CUEDC1: variants seen among roughly 807,000 people sequenced by gnomAD.
The protein encoded by CUEDC1 is CUE domain containing 1.
In CUEDC1, 30 loss-of-function variants were observed where a neutral mutation model predicts 43.7. The ratio of observed to expected loss-of-function variants is 0.69; its 90% confidence interval spans 0.51 to 0.93. CUEDC1 has a LOEUF of 0.93. Among genes scored for constraint, CUEDC1 ranks in the 40% least tolerant of loss-of-function variants. CUEDC1 has a pLI of 0.00. For synonymous variants in CUEDC1, 223 were observed against 223.6 expected, an observed-to-expected ratio of 1.00 and a Z score of 0.02; for missense variants, 486 against 549.0, an observed-to-expected ratio of 0.89 and a Z score of 1.15.
chr17:57,921,663 G>C (rs2074699617), intron 1 of CUEDC1, among the ~76,000 whole-genome samples: 1 of 152,210 alleles, frequency 6.6e-6, no homozygotes, highest in Non-Finnish European at 1.5e-5. Flanking sequence ...TGTGCTTCCT[G>C]TCTGGGCGCA....
chr17:57,865,795 G>A (rs1460556689), intron 10 of CUEDC1, among the ~76,000 whole-genome samples: 2 of 151,770 alleles, frequency 1.3e-5, no homozygotes, highest in Non-Finnish European at 2.9e-5. Flanking sequence ...TGCACAGCCG[G>A]GTTGAGACCA....
chr17:57,896,652 T>C (rs925695457), intron 1 of CUEDC1, among the ~76,000 whole-genome samples: 4 of 152,118 alleles, frequency 2.6e-5, no homozygotes, highest in African/African-American at 7.2e-5. Flanking sequence ...AAAATTTTGA[T>C]TGATACTCAT....
At chr17:57,865,429 G>T (rs1010345157) in intron 10 of CUEDC1, among the ~76,000 whole-genome samples, 1 of 152,178 alleles carries the variant, frequency 6.6e-6, no homozygotes, top group African/African-American at 2.4e-5. Context: ...CCTGAGGCAA[G>T]TGAGTATTTC....
intron 1 of CUEDC1, among the ~76,000 whole-genome samples, chr17:57,897,458 A>T (rs184129395): frequency 2.7e-5 from 4 of 150,716 alleles, no homozygotes; most frequent in Non-Finnish European, 5.9e-5. Context: ...ATCACAAGGT[A>T]GGGAGATTCA....
chr17:57,888,336 G>A (rs2144975396), intron 1 of CUEDC1, among the ~76,000 whole-genome samples: 1 of 152,194 alleles, frequency 6.6e-6, no homozygotes, highest in African/African-American at 2.4e-5. Context: ...GAATACGTAG[G>A]GCTACGCCAT....
chr17:57,874,540 T>C (rs577074583), intron 3 of CUEDC1, among the ~76,000 whole-genome samples: 46 of 152,236 alleles, frequency 3.0e-4, no homozygotes, highest in African/African-American at 9.6e-4. Flanking sequence ...GCACACACCC[T>C]CCCTGACCCC....
chr17:57,929,614 C>T (rs2074783917), intron 1 of CUEDC1, among the ~76,000 whole-genome samples: 1 of 152,210 alleles, frequency 6.6e-6, no homozygotes, highest in Non-Finnish European at 1.5e-5. Flanking sequence ...TCAGACTGGT[C>T]ATGCTCATCG....
At chr17:57,949,790 T>TTGA (rs2074989658) in intron 1 of CUEDC1, among the ~76,000 whole-genome samples, 1 of 151,502 alleles carries the variant, frequency 6.6e-6, no homozygotes, top group Non-Finnish European at 1.5e-5. Context: ...TTTAGAACTC[T>TTGA]TGAGCTCAAG....
chr17:57,883,489 C>T (rs112096254), intron 2 of CUEDC1, among the ~76,000 whole-genome samples: 4,184 of 152,236 alleles, frequency 0.027, 197 homozygotes, highest in African/African-American at 0.095. Context: ...TTTGGGAGGC[C>T]GAGGCGGGCA....
rs953876353 is a variant in CUEDC1, at chr17:57,862,436, C to G, written c.*853G>C. On this transcript the variant is annotated 3_prime_UTR_variant, in exon 11 of 11. Coordinates refer to ENST00000577830, the MANE Select transcript of CUEDC1 (RefSeq NM_001271875.2). Reference sequence around the variant, plus strand: ...CCAGTCCAGCTGGGGAGTCAGAGCCCCTGTGAGCCCCTACTGTGGTGTGAC... The same window carrying G: ...CCAGTCCAGCTGGGGAGTCAGAGCCGCTGTGAGCCCCTACTGTGGTGTGAC... The G allele has an allele frequency of 1.3e-5, 2 of 152,554 alleles. No homozygotes were observed. Among genetic ancestry groups the G allele is most frequent in the African/African-American group, 4.8e-5 (2 of 41,460 alleles). 9.5% of individuals were successfully genotyped at this position (152,554 alleles called of 1,614,324 possible).
chr17:57,929,660 A>G (rs1206675887), intron 1 of CUEDC1, among the ~76,000 whole-genome samples: 4 of 152,044 alleles, frequency 2.6e-5, no homozygotes, highest in Non-Finnish European at 5.9e-5. Flanking sequence ...ATTGTCCTTC[A>G]CCTCAGATAC....
At chr17:57,923,298 T>C (rs575065407) in intron 1 of CUEDC1, among the ~76,000 whole-genome samples, 3 of 152,304 alleles carry the variant, frequency 2.0e-5, no homozygotes, top group East Asian at 1.9e-4. Context: ...GTCAACTATA[T>C]GACCTCAGAT....
intron 1 of CUEDC1, among the ~76,000 whole-genome samples, chr17:57,920,467 T>C (rs773958911): frequency 2.0e-4 from 31 of 152,270 alleles, no homozygotes; most frequent in Middle Eastern, 3.4e-3. Context: ...TTAGGGATTA[T>C]AATAATCCAT....
chr17:57,910,929 C>T (rs2074576563), intron 1 of CUEDC1, among the ~76,000 whole-genome samples: 1 of 152,124 alleles, frequency 6.6e-6, no homozygotes, highest in Non-Finnish European at 1.5e-5. Flanking sequence ...CCAGCTGAGA[C>T]CCTCAGCCTC....
chr17:57,942,243 C>T (rs1375391113), intron 1 of CUEDC1, among the ~76,000 whole-genome samples: 3 of 152,132 alleles, frequency 2.0e-5, no homozygotes, highest in African/African-American at 4.8e-5. Flanking sequence ...TGAAAGAGAA[C>T]AGGACTTTTC....
chr17:57,955,125 G>A lies in CUEDC1; in HGVS notation c.-316+100C>T, dbSNP rs1264528427. The A allele has an allele frequency of 2.7e-5, 4 of 148,508 alleles. No homozygotes were observed. In the East Asian group the frequency reaches 7.9e-4, roughly 29 times the overall value. 9.2% of individuals were successfully genotyped at this position (148,508 alleles called of 1,614,324 possible). ...CCTGGGCAACGGGTCCCGAGAAGGT[G>A]GGGCCGCTGGGCCGGGGCCGCGGCC... On this transcript the variant is annotated intron_variant, in intron 1 of 10. Coordinates refer to ENST00000577830, the MANE Select transcript of CUEDC1 (RefSeq NM_001271875.2). This position sits in a 1 kb window ranked among gnomAD's most constrained non-coding sequence, Gnocchi z 5.3.
intron 1 of CUEDC1, among the ~76,000 whole-genome samples, chr17:57,920,434 G>A (rs1338040263): frequency 6.6e-6 from 1 of 152,030 alleles, no homozygotes; most frequent in Non-Finnish European, 1.5e-5. Flanking sequence ...ACACACAGCT[G>A]TCAATTAAAG....
At chr17:57,873,198 C>T (rs547145986) in intron 4 of CUEDC1, among the ~76,000 whole-genome samples, 79 of 152,358 alleles carry the variant, frequency 5.2e-4, no homozygotes, top group African/African-American at 1.8e-3. Context: ...CACCAGCAGC[C>T]TCAGGGTGGA....
rs1408194298 is a variant in CUEDC1, at chr17:57,873,607, T to C, written c.575A>G (p.Gln192Arg). ...CCCTGTTACCTGTATGCTGTCCAGCTGCTGGGGCAGGATGCGGAGAAAGTC... is the reference window on the plus strand; with the variant it reads ...CCCTGTTACCTGTATGCTGTCCAGCCGCTGGGGCAGGATGCGGAGAAAGTC... The part of the protein sequence containing the change: ...PDDFLRILPQ[Q>R]LDSIQGNAGG... Residue 192 changes from glutamine (Q) to arginine (R), a missense_variant, in exon 4 of 11, where the codon CAG (glutamine) becomes CGG (arginine). Transcript: ENST00000577830. The C allele has an allele frequency of 1.3e-6, 2 of 1,594,396 alleles. No homozygotes were observed. Among genetic ancestry groups the C allele is most frequent in the South Asian group, 2.3e-5 (2 of 88,164 alleles).
Sources: gnomAD v4.1 joint callset for allele counts (sites outside exome capture counted in the v4.1 genomes callset) on GRCh38, gnomAD v4.1.1 for gene constraint, Gnocchi (gnomAD v3.1) non-coding constraint, MANE v1.5 for transcripts, NCBI Gene and HGNC (gene_info 2026-07-23, HGNC 2026-07-21) for gene names.